Variants in TM9SF3 observed in about 807,000 individuals in gnomAD.
The protein encoded by TM9SF3 is SM-11044-binding protein.
A neutral mutation model predicts 78.6 loss-of-function variants in TM9SF3; 14 were observed. That is an observed-to-expected ratio of 0.18 (90% confidence interval 0.12 to 0.28). The LOEUF (loss-of-function observed/expected upper bound fraction) is 0.28. Among genes scored for constraint, TM9SF3 ranks in the 10% least tolerant of loss-of-function variants. The pLI is 1.00. For missense variants in TM9SF3, 496 were observed against 721.9 expected (o/e 0.69, Z 3.59); for synonymous variants, 231 against 241.7 (o/e 0.96, Z 0.41).
rs1304606909 is a variant in TM9SF3 at position 96,522,070 on chromosome 10, T to TG, written c.*192dup. The TG allele has an allele frequency of 5.1e-6, 3 of 584,806 alleles. No individual in the cohort carries two copies. The highest frequency in any genetic ancestry group is 9.0e-6 in the Non-Finnish European group (3 of 333,662). 36.2% of individuals were successfully genotyped at this position (584,806 alleles called of 1,614,324 possible). ...AATCCAAGCATTTGCTGTGAACAGT[T>TG]GGAGAAAGCAGTCAGGAAGAACCTA... On this transcript the variant is annotated 3_prime_UTR_variant, in exon 15 of 15. Transcript: ENST00000371142.
rs981181861 is a variant in TM9SF3 at position 96,518,200 on chromosome 10, T to C, written c.*4063A>G. On this transcript the variant is annotated 3_prime_UTR_variant, in exon 15 of 15. Coordinates refer to ENST00000371142, the MANE Select transcript of TM9SF3 (RefSeq NM_020123.4). ...CCTCAATTGTATTTGATACATTATA[T>C]ACTGGATTTCTATTACTAAAAAGCC... 2 of 152,212 alleles carry C rather than the reference T, an allele frequency of 1.3e-5. No individual in the cohort carries two copies. The highest frequency in any genetic ancestry group is 2.9e-5 in the Non-Finnish European group (2 of 68,028). The allele number at this position is 152,212 out of a possible 1,614,324, so 9.4% of individuals were successfully genotyped here.
chr10:96,527,625 A>C, intron 12 of TM9SF3, 129 bp from the exon 13 acceptor site: 1 of 668,240 alleles, frequency 1.5e-6, no homozygotes, highest in Non-Finnish European at 2.5e-6. Flanking sequence ...AAACAAATGC[A>C]TAGACATGGT....
rs947342011 is a variant in TM9SF3, at chr10:96,522,140, A to T, written c.*123T>A. The T allele has an allele frequency of 1.3e-6, 1 of 761,290 alleles. No homozygotes were observed. The highest frequency in any genetic ancestry group is 2.2e-6 in the Non-Finnish European group (1 of 456,062). 47.2% of individuals were successfully genotyped at this position (761,290 alleles called of 1,614,324 possible). ...TTACTTTAAGCCACCGACGAAAGAG[A>T]GACCCACAAAGTACCCAGTGTGTTA... On this transcript the variant is annotated 3_prime_UTR_variant, in exon 15 of 15. Coordinates refer to ENST00000371142, the MANE Select transcript of TM9SF3 (RefSeq NM_020123.4).
chr10:96,560,130 G>C, intron 4 of TM9SF3: 1 of 709,748 alleles, frequency 1.4e-6, no homozygotes, highest in Non-Finnish European at 2.6e-6. Flanking sequence ...CTCTTGAGCA[G>C]AAGTCATTTA....
rs1264169770 is a variant in TM9SF3 at position 96,521,627 on chromosome 10, T to C, written c.*636A>G. 1 of 152,278 alleles carries C rather than the reference T, an allele frequency of 6.6e-6. No homozygotes were observed. The highest frequency in any genetic ancestry group is 1.5e-5 in the Non-Finnish European group (1 of 67,944). The allele number at this position is 152,278 out of a possible 1,614,324, so 9.4% of individuals were successfully genotyped here. A position where few individuals can be genotyped will look rare whatever the true frequency, so the allele number is the denominator to read the frequency against. On this transcript the variant is annotated 3_prime_UTR_variant, in exon 15 of 15. Coordinates refer to ENST00000371142, the MANE Select transcript of TM9SF3 (RefSeq NM_020123.4). ...ACTGTATAGTTTTAAGATAAATAAA[T>C]GGGAAGTTGGTCCAACTAAGATGAC...
At chr10:96,526,537 A>C (rs1485031231) in intron 14 of TM9SF3, among the ~76,000 whole-genome samples, 1 of 152,142 alleles carries the variant, frequency 6.6e-6, no homozygotes, top group African/African-American at 2.4e-5. Flanking sequence ...TAGAGATTCT[A>C]TCACATGGTG....
intron 5 of TM9SF3, 61 bp downstream of exon 5, chr10:96,559,598 C>CA: frequency 8.3e-7 from 1 of 1,204,808 alleles, no homozygotes; most frequent in Non-Finnish European, 1.2e-6. Flanking sequence ...GACAGATACT[C>CA]AATGTTTGTT....
At chr10:96,578,081 A>AT (rs902560715) in intron 1 of TM9SF3, among the ~76,000 whole-genome samples, 1 of 152,186 alleles carries the variant, frequency 6.6e-6, no homozygotes, top group African/African-American at 2.4e-5. Flanking sequence ...ACCCAAAAAC[A>AT]TTAACTTGTA....
rs1053514968 is a variant in TM9SF3, at chr10:96,522,042, T to C, written c.*221A>G. 2 of 533,900 alleles carry C rather than the reference T, an allele frequency of 3.7e-6. No individual in the cohort carries two copies. The highest frequency in any genetic ancestry group is 2.8e-4 in the Middle Eastern group (1 of 3,600). The allele number at this position is 533,900 out of a possible 1,614,324, so 33.1% of individuals were successfully genotyped here. A position where few individuals can be genotyped will look rare whatever the true frequency, so the allele number is the denominator to read the frequency against. The stretch of plus-strand genomic sequence containing the variant: ...ATGTACTGTAGTAATGCCTACTGCA[T>C]AAAATCCAAGCATTTGCTGTGAACA... On this transcript the variant is annotated 3_prime_UTR_variant, in exon 15 of 15. Transcript: ENST00000371142.
rs1475034097 is a variant in TM9SF3, at chr10:96,551,343, G to A, written c.861C>T (p.His287=). 1 of 1,612,828 alleles carries A rather than the reference G, an allele frequency of 6.2e-7. No individual in the cohort carries two copies. The highest frequency in any genetic ancestry group is 8.5e-7 in the Non-Finnish European group (1 of 1,179,466). ...VHGDVFRPSS[H]PLIFSSLIGS... is the part of the protein sequence containing the mutation. ...CAATCAGAGAGGAAAATATCAGTGG[G>A]TGACTTGATGGTCTAAATACATCTC... Residue 287 remains histidine (H), a synonymous_variant, in exon 7 of 15, where the codon CAC becomes CAT. Coordinates refer to ENST00000371142, the MANE Select transcript of TM9SF3 (RefSeq NM_020123.4).
chr10:96,584,162 A>T (rs544492917), intron 1 of TM9SF3, among the ~76,000 whole-genome samples: 1 of 152,242 alleles, frequency 6.6e-6, no homozygotes, highest in African/African-American at 2.4e-5. Context: ...TCAGCTTCTA[A>T]AAGTTATTGT....
At chr10:96,556,723 C>G (rs1205106265) in intron 5 of TM9SF3, among the ~76,000 whole-genome samples, 1 of 152,092 alleles carries the variant, frequency 6.6e-6, no homozygotes, top group Admixed American at 6.5e-5. Context: ...TTTCTTTGCT[C>G]CCTTTAGCAG....
At position 96,562,008 on chromosome 10, in the gene TM9SF3, A is replaced by G; in HGVS notation, c.552T>C (p.Val184=). ...NLTSEGKVKL[V]PNTKIQMSYS... The stretch of plus-strand genomic sequence containing the variant: ...ATGACATCTGGATTTTAGTATTTGG[A>G]ACCAGTTTCACCTTTCCTTCACTAG... The change falls in exon 4 of 15, where the codon GTT becomes GTC. Residue 184 remains valine, a synonymous_variant. Transcript: ENST00000371142. 6.2e-7 allele frequency: 1 copy of G among 1,612,154 alleles called. No homozygotes were observed. Among genetic ancestry groups the G allele is most frequent in the Non-Finnish European group, 8.5e-7 (1 of 1,179,400 alleles).
chr10:96,557,372 T>A (rs1848246553), intron 5 of TM9SF3, among the ~76,000 whole-genome samples: 1 of 112,726 alleles, frequency 8.9e-6, no homozygotes, highest in Non-Finnish European at 1.9e-5. Context: ...TCAACCCTTC[T>A]TCACCTTCCT....
chr10:96,551,559 T>A, intron 6 of TM9SF3, 148 bp from the exon 7 acceptor site: 2 of 537,224 alleles, frequency 3.7e-6, no homozygotes, highest in Non-Finnish European at 6.1e-6. Flanking sequence ...TATTCCAAAC[T>A]TAGAATGATC....
At chr10:96,529,210 C>T (rs1400656307) in intron 11 of TM9SF3, among the ~76,000 whole-genome samples, 2 of 152,094 alleles carry the variant, frequency 1.3e-5, no homozygotes, top group African/African-American at 4.8e-5. Flanking sequence ...ACACACACTC[C>T]AACTCCTAAG....
chr10:96,527,482 A>T lies in TM9SF3; in HGVS notation c.1556T>A (p.Phe519Tyr). 1 of 1,610,070 alleles carries T rather than the reference A, an allele frequency of 6.2e-7. No individual in the cohort carries two copies. The highest frequency in any genetic ancestry group is 8.5e-7 in the Non-Finnish European group (1 of 1,177,860). ...AEDYRWQWTS[F>Y]LSAASTAIYV... ...GATTGCAGTTGATGCAGCAGAGAGA[A>T]AACTTGTCCATTGCCTGGTGGGGGG... Residue 519 changes from phenylalanine (F) to tyrosine (Y), a missense_variant, in exon 13 of 15, where the codon TTT becomes TAT. Phe to Tyr is a conservative substitution (Grantham distance 22). Coordinates refer to ENST00000371142, the MANE Select transcript of TM9SF3 (RefSeq NM_020123.4).
chr10:96,544,068 C>A lies in TM9SF3; in HGVS notation c.1185+8G>T, dbSNP rs1444768242. The A allele has an allele frequency of 1.0e-5, 16 of 1,599,380 alleles. No individual in the cohort carries two copies. Among genetic ancestry groups the A allele is most frequent in the Admixed American group, 1.8e-5 (1 of 55,844 alleles). On this transcript the variant is annotated splice_region_variant and intron_variant, in intron 9 of 14. Transcript: ENST00000371142. Reference sequence around the variant, plus strand: ...TTTCAGTTTAAAAGTAAGATTCAAGCAACTCACCATTGTTCCAAAAGGAAT... The same window carrying A: ...TTTCAGTTTAAAAGTAAGATTCAAGAAACTCACCATTGTTCCAAAAGGAAT...
At chr10:96,534,730 C>A (rs999914455) in intron 9 of TM9SF3, among the ~76,000 whole-genome samples, 2 of 152,088 alleles carry the variant, frequency 1.3e-5, no homozygotes, top group Non-Finnish European at 1.5e-5. Flanking sequence ...TTTGAGTATC[C>A]TTTTGAAAAT....
Sources: allele counts gnomAD v4.1 joint callset (sites outside exome capture counted in the v4.1 genomes callset), GRCh38; gene constraint gnomAD v4.1.1; transcripts MANE v1.5; gene names NCBI Gene and HGNC (gene_info 2026-07-23, HGNC 2026-07-21).